Variants in CHST8 observed in about 807,000 individuals in gnomAD.
The protein encoded by CHST8 is carbohydrate sulfotransferase 8.
A neutral mutation model predicts 15.0 loss-of-function variants in CHST8; 10 were observed. The ratio of observed to expected loss-of-function variants is 0.67; its 90% CI spans 0.41 to 1.13. The LOEUF is 1.13. Ranked by LOEUF, CHST8 falls within the 50% of genes most tolerant of loss-of-function variation. CHST8 has a pLI of 0.00. For synonymous variants in CHST8, 259 were observed against 256.6 expected, an observed-to-expected ratio of 1.01 and a Z score of -0.09; for missense variants, 634 against 608.2, an observed-to-expected ratio of 1.04 and a Z score of -0.45.
At chr19:33,637,542 A>G (rs1209755995) in intron 1 of CHST8, among the ~76,000 whole-genome samples, 1 of 151,242 alleles carries the variant, frequency 6.6e-6, no homozygotes, top group African/African-American at 2.4e-5. Flanking sequence ...AGCTGGGACT[A>G]CAGGCGCACG....
At chr19:33,743,802 T>TC (rs1311657021) in intron 3 of CHST8, among the ~76,000 whole-genome samples, 1 of 151,590 alleles carries the variant, frequency 6.6e-6, no homozygotes, top group African/African-American at 2.4e-5. Flanking sequence ...TTTTCTTTTT[T>TC]TTTTTTTGAG....
chr19:33,742,357 G>A (rs896659559), intron 3 of CHST8, among the ~76,000 whole-genome samples: 23 of 152,180 alleles, frequency 1.5e-4, no homozygotes, highest in African/African-American at 5.3e-4. Context: ...TACAAGCGTG[G>A]CACCAACATC....
chr19:33,740,961 G>A (rs1263029660), intron 3 of CHST8, among the ~76,000 whole-genome samples: 1 of 152,178 alleles, frequency 6.6e-6, no homozygotes, highest in Non-Finnish European at 1.5e-5. Flanking sequence ...AGAACCTGGA[G>A]CTAAACCCTT....
chr19:33,733,081 T>C, intron 3 of CHST8, among the ~76,000 whole-genome samples: 1 of 152,128 alleles, frequency 6.6e-6, no homozygotes, highest in South Asian at 2.1e-4. Flanking sequence ...AAGTGGTTGG[T>C]CTTTCTGGTG....
chr19:33,740,145 T>C (rs1261896501), intron 3 of CHST8, among the ~76,000 whole-genome samples: 1 of 152,212 alleles, frequency 6.6e-6, no homozygotes, highest in Non-Finnish European at 1.5e-5. Context: ...TTCAGCAAGC[T>C]GTAGGAGCCC....
intron 2 of CHST8, among the ~76,000 whole-genome samples, chr19:33,686,772 G>A (rs887609523): frequency 4.6e-5 from 7 of 152,234 alleles, no homozygotes; most frequent in East Asian, 1.9e-4. Context: ...AGGGGCTCGC[G>A]ACAGTTGCTT....
At chr19:33,752,326 A>T (rs1974436926) in intron 3 of CHST8, among the ~76,000 whole-genome samples, 1 of 152,222 alleles carries the variant, frequency 6.6e-6, no homozygotes, top group Non-Finnish European at 1.5e-5. Flanking sequence ...CTCTGCCAAG[A>T]TGACACGTCT....
At chr19:33,625,806 G>A (rs1972044921) in intron 1 of CHST8, among the ~76,000 whole-genome samples, 1 of 152,176 alleles carries the variant, frequency 6.6e-6, no homozygotes, top group Non-Finnish European at 1.5e-5. Flanking sequence ...AAGTTGCAGT[G>A]AGCCGAGATC....
At chr19:33,698,656 AG>A (rs896420626) in intron 3 of CHST8, among the ~76,000 whole-genome samples, 2 of 151,972 alleles carry the variant, frequency 1.3e-5, no homozygotes, top group African/African-American at 4.8e-5. Context: ...TCACTGGGGC[AG>A]ATGTGCCAGA....
chr19:33,771,299 C>A, intron 3 of CHST8, 114 bp from the exon 4 acceptor site: 1 of 1,033,574 alleles, frequency 9.7e-7, no homozygotes, highest in Non-Finnish European at 1.5e-6. Context: ...TTCCCTAGAG[C>A]CTACCCCAAG....
At chr19:33,637,210 T>G (rs993523838) in intron 1 of CHST8, among the ~76,000 whole-genome samples, 2 of 152,104 alleles carry the variant, frequency 1.3e-5, no homozygotes, top group African/African-American at 4.8e-5. Context: ...AGCAATGTCT[T>G]TATGACCTGT....
intron 2 of CHST8, among the ~76,000 whole-genome samples, chr19:33,679,948 G>A (rs576208141): frequency 6.6e-6 from 1 of 152,170 alleles, no homozygotes; most frequent in Non-Finnish European, 1.5e-5. Flanking sequence ...TACTGAGTAA[G>A]GGGGAGGTGT....
At chr19:33,679,092 A>T (rs944982057) in intron 2 of CHST8, among the ~76,000 whole-genome samples, 9 of 152,238 alleles carry the variant, frequency 5.9e-5, no homozygotes, top group Non-Finnish European at 1.2e-4. Context: ...TTCTCTCCTC[A>T]GAAGTCTATG....
chr19:33,718,858 G>A (rs140453095), intron 3 of CHST8, among the ~76,000 whole-genome samples: 1,689 of 152,312 alleles, frequency 0.011, 15 homozygotes, highest in South Asian at 0.033. Context: ...GCTGAGGAGG[G>A]AGAGAGAGAG....
At position 33,689,175 on chromosome 19, in the gene CHST8, G is replaced by T; in HGVS notation, c.-86-1G>T. On this transcript the variant is annotated splice_acceptor_variant, in intron 2 of 4. Transcript: ENST00000650847. LOFTEE classifies it low-confidence loss of function (5UTR_SPLICE). ...ATGACTATCCCTCCTCTGCCCCGTAGATCTCGGCCTGATGGACGCCTGGTG... is the reference window on the plus strand; with the variant it reads ...ATGACTATCCCTCCTCTGCCCCGTATATCTCGGCCTGATGGACGCCTGGTG... 1 of 1,438,578 alleles carries T rather than the reference G, an allele frequency of 7.0e-7. No homozygotes were observed. Among genetic ancestry groups the T allele is most frequent in the South Asian group, 1.5e-5 (1 of 66,152 alleles). 89.1% of individuals were successfully genotyped at this position (1,438,578 alleles called of 1,614,324 possible).
At chr19:33,649,205 G>A (rs1043548494) in intron 1 of CHST8, among the ~76,000 whole-genome samples, 1 of 152,022 alleles carries the variant, frequency 6.6e-6, no homozygotes, top group Non-Finnish European at 1.5e-5. Context: ...TGCCCGGCCT[G>A]TCTATCCTTC....
At chr19:33,758,931 G>A (rs113697117) in intron 3 of CHST8, among the ~76,000 whole-genome samples, 3 of 152,090 alleles carry the variant, frequency 2.0e-5, no homozygotes, top group East Asian at 1.9e-4. Context: ...GCGGGGGGGG[G>A]CGGTGCTCAA....
At chr19:33,757,683 T>A (rs546116274) in intron 3 of CHST8, among the ~76,000 whole-genome samples, 32 of 151,842 alleles carry the variant, frequency 2.1e-4, no homozygotes, top group Admixed American at 2.1e-3. Context: ...AGCCAGCCAC[T>A]GACAAGCCCA....
intron 3 of CHST8, among the ~76,000 whole-genome samples, chr19:33,736,340 G>A (rs1974083711): frequency 6.6e-6 from 1 of 152,194 alleles, no homozygotes; most frequent in South Asian, 2.1e-4. Flanking sequence ...GAGGGTAGGG[G>A]TGCTTGCTGC....
Sources: allele counts gnomAD v4.1 joint callset (sites outside exome capture counted in the v4.1 genomes callset), GRCh38; gene constraint gnomAD v4.1.1; transcripts MANE v1.5; gene names NCBI Gene and HGNC (gene_info 2026-07-23, HGNC 2026-07-21).